Variants in MAMLD1 observed in about 807,000 individuals in gnomAD.
MAMLD1 encodes mastermind like domain containing 1.
Under a neutral mutation model 45.0 loss-of-function variants are expected in MAMLD1, and 14 were observed. That is an observed-to-expected ratio of 0.31 (90% CI 0.21 to 0.49). MAMLD1 has a LOEUF of 0.49. Among genes scored for constraint, MAMLD1 ranks in the 20% least tolerant of loss-of-function variants. The probability of loss-of-function intolerance (pLI) is 0.99; values close to 1 mark genes in which losing one functional copy is unlikely to be tolerated. For missense variants in MAMLD1, 543 were observed against 603.6 expected (o/e 0.90, Z 1.05); for synonymous variants, 254 against 247.8 (o/e 1.02, Z -0.24).
chrX:150,375,598 G>C (rs2032274380), intron 1 of MAMLD1, among the ~76,000 whole-genome samples: 1 of 112,635 alleles, frequency 8.9e-6, no homozygotes. Context: ...AGAGAGAACT[G>C]TTTTTGCTTT....
At chrX:150,455,704 G>A (rs1226599656) in intron 2 of MAMLD1, among the ~76,000 whole-genome samples, 1 of 110,937 alleles carries the variant, frequency 9.0e-6, no homozygotes, top group Non-Finnish European at 1.9e-5. Context: ...CCTACCTCAA[G>A]CCCTCTAATC....
At chrX:150,474,932 G>T (rs1232168179) in intron 5 of MAMLD1, among the ~76,000 whole-genome samples, 3 of 111,232 alleles carry the variant, frequency 2.7e-5, no homozygotes, top group African/African-American at 9.8e-5. Flanking sequence ...TTCTTCCAGG[G>T]GAGAGAAAAA....
In MAMLD1 at chrX:150,478,968, T is replaced by C. The variant is rs1330421872; in HGVS notation, c.2040+5166T>C. Among the ~76,000 whole-genome samples the C allele has an allele frequency of 2.7e-5, 3 of 112,124 alleles. No individual in the cohort carries two copies. The Admixed American group carries it at 2.8e-4, about 11-fold the overall frequency. On this transcript the variant is annotated intron_variant, in intron 5 of 7. Transcript: ENST00000370401. Reference sequence around the variant, plus strand: ...ATCTCAGTGTTGAAAATGTTTTGTTTTAACCTCTCTAAATTGCCAGGAAAT... The same window carrying C: ...ATCTCAGTGTTGAAAATGTTTTGTTCTAACCTCTCTAAATTGCCAGGAAAT...
intron 2 of MAMLD1, among the ~76,000 whole-genome samples, chrX:150,458,871 G>C (rs1188883667): frequency 9.0e-6 from 1 of 111,465 alleles, no homozygotes; most frequent in Non-Finnish European, 1.9e-5. Context: ...GTGTGAAATG[G>C]GGAGATGTCA....
chrX:150,453,073 C>T (rs1479982316), intron 2 of MAMLD1, among the ~76,000 whole-genome samples: 1 of 110,972 alleles, frequency 9.0e-6, no homozygotes, highest in African/African-American at 3.3e-5. Context: ...GAAAGGTTGC[C>T]CACCCACTCT....
chrX:150,402,915 A>C (rs963848251), intron 1 of MAMLD1, among the ~76,000 whole-genome samples: 7 of 110,245 alleles, frequency 6.3e-5, no homozygotes, highest in African/African-American at 2.3e-4. Flanking sequence ...CACTCTGGGG[A>C]CTGTTGTGGG....
intron 5 of MAMLD1, among the ~76,000 whole-genome samples, chrX:150,490,883 T>C (rs1460122776): frequency 1.8e-5 from 2 of 112,071 alleles, no homozygotes; most frequent in Non-Finnish European, 3.8e-5. Flanking sequence ...GTTCAGTCTA[T>C]GAAAAGCAAT....
At chrX:150,401,034 A>T (rs1463498712) in intron 1 of MAMLD1, among the ~76,000 whole-genome samples, 8 of 110,037 alleles carry the variant, frequency 7.3e-5, no homozygotes, top group African/African-American at 2.7e-4. Context: ...GAAGGAATGG[A>T]ACCAGTTCCT....
intron 1 of MAMLD1, among the ~76,000 whole-genome samples, chrX:150,403,988 G>GAA (rs1352985537): frequency 2.3e-5 from 2 of 87,978 alleles, no homozygotes; most frequent in Admixed American, 1.2e-4. Context: ...AAGAAAGAAA[G>GAA]AAAGAAAGAA....
chrX:150,497,864 C>A (rs2037435157), intron 5 of MAMLD1, among the ~76,000 whole-genome samples: 1 of 111,376 alleles, frequency 9.0e-6, no homozygotes, highest in East Asian at 2.8e-4. Flanking sequence ...TGAAATCAGA[C>A]AATACCTAGG....
chrX:150,366,871 G>A (rs2031499293), intron 1 of MAMLD1, among the ~76,000 whole-genome samples: 1 of 110,847 alleles, frequency 9.0e-6, no homozygotes, highest in Non-Finnish European at 1.9e-5. Context: ...AAAGAGGTGG[G>A]GCTGAGAGAT....
At chrX:150,432,707 T>C (rs782618938) in intron 1 of MAMLD1, among the ~76,000 whole-genome samples, 7 of 111,965 alleles carry the variant, frequency 6.3e-5, no homozygotes, top group African/African-American at 2.3e-4. Flanking sequence ...TCAACTTTGT[T>C]GAAGATCAGA....
At chrX:150,479,523 A>G (rs1186601912) in intron 5 of MAMLD1, among the ~76,000 whole-genome samples, 1 of 112,446 alleles carries the variant, frequency 8.9e-6, no homozygotes, top group Non-Finnish European at 1.9e-5. Flanking sequence ...TGAAGTTAGG[A>G]CACCCAAAAT....
intron 2 of MAMLD1, among the ~76,000 whole-genome samples, chrX:150,461,160 C>G (rs1461688554): frequency 1.8e-5 from 2 of 113,207 alleles, no homozygotes; most frequent in Non-Finnish European, 3.7e-5. Context: ...CCTGGAGCCA[C>G]CAGCATAGCT....
chrX:150,512,644 GGGCCCGGTGCCTGTA>G lies in MAMLD1; in HGVS notation c.*687_*701del. 5.2e-6 allele frequency: 6 copies of G among 1,148,980 alleles called. No homozygotes were observed. Among genetic ancestry groups the G allele is most frequent in the Non-Finnish European group, 6.9e-6 (6 of 868,709 alleles). 94.7% of individuals were successfully genotyped at this position (1,148,980 alleles called of 1,213,427 possible). A position where few individuals can be genotyped will look rare whatever the true frequency, so the allele number is the denominator to read the frequency against. On this transcript the variant is annotated 3_prime_UTR_variant, in exon 8 of 8. Transcript: ENST00000370401. Reference sequence around the variant, plus strand: ...AGAGCCTCAGGCAGAGCCCGGTACAGGGCCCGGTGCCTGTAGCAAACACCACCAAGTTCCTCCAGC... The same window carrying G: ...AGAGCCTCAGGCAGAGCCCGGTACAGGCAAACACCACCAAGTTCCTCCAGC...
intron 2 of MAMLD1, among the ~76,000 whole-genome samples, chrX:150,446,406 A>G (rs2035489232): frequency 9.0e-6 from 1 of 111,678 alleles, no homozygotes; most frequent in South Asian, 3.8e-4. Context: ...ATAGAACTGG[A>G]AGCCCTGGGC....
chrX:150,473,438 G>C (rs1326855820), intron 4 of MAMLD1, among the ~76,000 whole-genome samples: 1 of 112,461 alleles, frequency 8.9e-6, no homozygotes, highest in African/African-American at 3.2e-5. Flanking sequence ...GAGCACACCT[G>C]TGGCAACCCC....
chrX:150,445,672 C>T (rs1167124454), intron 2 of MAMLD1, 60 bp downstream of exon 2: 15 of 878,436 alleles, frequency 1.7e-5, no homozygotes, highest in African/African-American at 8.0e-5. Flanking sequence ...TAAACTTGAA[C>T]GTAAGATGTG....
intron 3 of MAMLD1, among the ~76,000 whole-genome samples, chrX:150,463,817 C>G (rs1389287106): frequency 9.0e-6 from 1 of 111,250 alleles, no homozygotes; most frequent in Non-Finnish European, 1.9e-5. Context: ...CCAGGCTCAG[C>G]CACCAAGACA....
Sources: gnomAD v4.1 joint callset for allele counts (sites outside exome capture counted in the v4.1 genomes callset) on GRCh38, gnomAD v4.1.1 for gene constraint, MANE v1.5 for transcripts, NCBI Gene and HGNC (gene_info 2026-07-23, HGNC 2026-07-21) for gene names.